Variants in GADL1 observed in about 807,000 individuals in gnomAD.
GADL1 encodes the protein GAD like acidic amino acid decarboxylase 1, also known as acidic amino acid decarboxylase GADL1.
A neutral mutation model predicts 69.5 loss-of-function variants in GADL1; 71 were observed. That is an observed-to-expected ratio of 1.02 (90% CI 0.84 to 1.25). GADL1 has a LOEUF of 1.25. Ranked by LOEUF, GADL1 falls within the 50% of genes most tolerant of loss-of-function variation. GADL1 has a pLI of 0.00. For synonymous variants in GADL1, 254 were observed against 214.4 expected, an observed-to-expected ratio of 1.18 and a Z score of -1.62; for missense variants, 737 against 631.8, an observed-to-expected ratio of 1.17 and a Z score of -1.79.
At position 30,751,559 on chromosome 3, in the gene GADL1, A is replaced by G. The variant is rs570777206; in HGVS notation, c.1393-23144T>C. Among the ~76,000 whole-genome samples the G allele has an allele frequency of 2.6e-5, 4 of 151,832 alleles. No homozygotes were observed. In the South Asian group the frequency reaches 8.4e-4, roughly 32 times the overall value. On this transcript the variant is annotated intron_variant, in intron 14 of 14. Transcript: ENST00000282538. ...AATAGGCAAGCTGGAAATATCTAGT[A>G]GACTAGAAAAAAGGCTTTCTAGAAC...
chr3:30,767,533 A>AG (rs1395900247), intron 14 of GADL1, among the ~76,000 whole-genome samples: 3 of 152,210 alleles, frequency 2.0e-5, no homozygotes. Context: ...TAATACTTTG[A>AG]GGAAATGATC....
chr3:30,803,746 T>C (rs1021862764), intron 11 of GADL1, among the ~76,000 whole-genome samples: 1 of 152,228 alleles, frequency 6.6e-6, no homozygotes, highest in African/African-American at 2.4e-5. Context: ...CTCCCAAAGA[T>C]TTCACTTTGC....
At position 30,727,973 on chromosome 3, in the gene GADL1, A is replaced by G. The variant is rs1695394266; in HGVS notation, c.*269T>C. ...AGAATCCAGAACCTACATGGTACTT[A>G]CTAAACTCTCTTCAGAGCTGTGTTC... is the stretch of plus-strand genomic sequence containing the variant. On this transcript the variant is annotated 3_prime_UTR_variant, in exon 15 of 15. Coordinates refer to ENST00000282538, the MANE Select transcript of GADL1 (RefSeq NM_207359.3). 1.3e-5 allele frequency: 4 copies of G among 305,148 alleles called. No homozygotes were observed. Among genetic ancestry groups the G allele is most frequent in the Non-Finnish European group, 2.4e-5 (4 of 164,080 alleles). 18.9% of individuals were successfully genotyped at this position (305,148 alleles called of 1,614,324 possible).
chr3:30,833,718 C>A (rs1261694908), intron 11 of GADL1, 135 bp downstream of exon 11: 2 of 643,324 alleles, frequency 3.1e-6, no homozygotes, highest in Non-Finnish European at 5.7e-6. Context: ...CATGTAGAGA[C>A]CATCAACACA....
Position 30,758,139 on chromosome 3 carries a change from ACT to A in GADL1, c.1392+20038_1392+20039del, listed in dbSNP as rs72382438. ...AACCAAATCTGGATGATACCAAACT[ACT>A]CTCTCCAACCATCAAACATCATGCC... is the stretch of plus-strand genomic sequence containing the variant. On this transcript the variant is annotated intron_variant, in intron 14 of 14. Transcript: ENST00000282538. Among the ~76,000 whole-genome samples the A allele has an allele frequency of 8.3e-3, 1,264 of 152,044 alleles. 17 individuals are homozygous for A. Among genetic ancestry groups the A allele is most frequent in the African/African-American group, 0.029 (1,210 of 41,460 alleles).
chr3:30,773,480 T>C (rs952183768), intron 14 of GADL1, among the ~76,000 whole-genome samples: 10 of 152,174 alleles, frequency 6.6e-5, no homozygotes, highest in Non-Finnish European at 1.2e-4. Flanking sequence ...CGCCTGCAAC[T>C]TTATCTCTAA....
intron 11 of GADL1, among the ~76,000 whole-genome samples, chr3:30,830,254 C>A (rs79804663): frequency 2.3e-4 from 35 of 151,864 alleles, no homozygotes; most frequent in South Asian, 1.2e-3. Flanking sequence ...CCTGCAAAGT[C>A]CCCCCCTGCC....
chr3:30,797,054 G>A (rs575010507), intron 12 of GADL1, among the ~76,000 whole-genome samples: 120 of 152,174 alleles, frequency 7.9e-4, no homozygotes, highest in Non-Finnish European at 1.5e-3. Flanking sequence ...GACCAAAGGA[G>A]TATTATAACG....
At chr3:30,745,821 C>A (rs923936240) in intron 14 of GADL1, among the ~76,000 whole-genome samples, 2 of 152,090 alleles carry the variant, frequency 1.3e-5, no homozygotes. Context: ...ACATTCTCTG[C>A]CTGATTTAAC....
Position 30,850,878 on chromosome 3 carries a change from A to G in GADL1, c.492T>C (p.Ile164=), listed in dbSNP as rs1441932301. The part of the protein sequence containing the change: ...LVEEAVLKKM[I]EFIGWKEGDG... Reference sequence around the variant, plus strand: ...CCCCTTCTTTCCAGCCAATAAATTCAATCATTTTCTTCAGAACCGCTTCTT... The same window carrying G: ...CCCCTTCTTTCCAGCCAATAAATTCGATCATTTTCTTCAGAACCGCTTCTT... Residue 164 remains isoleucine, a synonymous_variant, in exon 5 of 15, where the codon ATT becomes ATC. Transcript: ENST00000282538. 1.3e-6 allele frequency: 2 copies of G among 1,550,670 alleles called. No individual in the cohort carries two copies. The highest frequency in any genetic ancestry group is 8.7e-7 in the Non-Finnish European group (1 of 1,146,106).
intron 13 of GADL1, chr3:30,779,108 C>T (rs1327544454): frequency 1.3e-5 from 2 of 152,182 alleles, no homozygotes; most frequent in East Asian, 3.9e-4. Context: ...TTGTAACAGG[C>T]TTTAGCCCAG....
intron 14 of GADL1, among the ~76,000 whole-genome samples, chr3:30,755,583 G>A (rs1212264515): frequency 8.2e-6 from 1 of 121,738 alleles, no homozygotes; most frequent in African/African-American, 3.5e-5. Context: ...GTCCATTTTT[G>A]CTTGTGTGTG....
chr3:30,806,273 T>G (rs1697254478), intron 11 of GADL1, among the ~76,000 whole-genome samples: 1 of 152,168 alleles, frequency 6.6e-6, no homozygotes. Context: ...ATAATTCATC[T>G]AAAAATTATG....
chr3:30,850,032 A>T lies in GADL1; in HGVS notation c.615T>A (p.Ser205=), dbSNP rs199907174. ...YCPDIKEKGL[S]GSPRLILFTS... ...TGAAAAGGATTAATCTTGGCGAACC[A>T]GACAGCCCCTTTTCCTTAATATCAG... Residue 205 remains serine, a synonymous_variant, in exon 6 of 15, where the codon TCT becomes TCA. Transcript: ENST00000282538. 2.9e-4 allele frequency: 472 copies of T among 1,610,336 alleles called. 1 individual carries two copies. The East Asian group carries it at 0.01, about 35-fold the overall frequency.
At chr3:30,817,147 A>G (rs1048345897) in intron 11 of GADL1, among the ~76,000 whole-genome samples, 1 of 152,146 alleles carries the variant, frequency 6.6e-6, no homozygotes, top group Non-Finnish European at 1.5e-5. Flanking sequence ...GTAGCCTGGC[A>G]TGCGTGTCTG....
At chr3:30,769,437 A>ATCCCTCTTT (rs1559494368) in intron 14 of GADL1, among the ~76,000 whole-genome samples, 7 of 152,142 alleles carry the variant, frequency 4.6e-5, no homozygotes, top group African/African-American at 1.7e-4. Context: ...AGGGAAGCTG[A>ATCCCTCTTT]GGATGATTCC....
At chr3:30,877,212 A>T (rs1698588142) in intron 1 of GADL1, among the ~76,000 whole-genome samples, 2 of 151,848 alleles carry the variant, frequency 1.3e-5, no homozygotes, top group Non-Finnish European at 2.9e-5. Flanking sequence ...TCAAATTATG[A>T]TCAATTGTAA....
chr3:30,879,809 A>G (rs1408713606), intron 1 of GADL1, among the ~76,000 whole-genome samples: 2 of 151,956 alleles, frequency 1.3e-5, no homozygotes, highest in Non-Finnish European at 2.9e-5. Flanking sequence ...GCACCAGGAA[A>G]AAAACTCTGT....
At chr3:30,795,494 G>T (rs9310947) in intron 12 of GADL1, among the ~76,000 whole-genome samples, 30,500 of 151,966 alleles carry the variant, frequency 0.2, 3,499 homozygotes, top group Non-Finnish European at 0.26. Flanking sequence ...CATGAAAATT[G>T]GCAGACACTA....
Sources: gnomAD v4.1 joint callset for allele counts (sites outside exome capture counted in the v4.1 genomes callset) on GRCh38, gnomAD v4.1.1 for gene constraint, MANE v1.5 for transcripts, NCBI Gene and HGNC (gene_info 2026-07-23, HGNC 2026-07-21) for gene names.